The following SORL1 variants were observed in gnomAD, a reference collection of about 807,000 sequenced individuals.
SORL1 encodes sortilin related receptor 1, also known as sortilin-related receptor.
Under a neutral mutation model 273.7 loss-of-function variants are expected in SORL1, and 127 were observed. That is an observed-to-expected ratio of 0.46 (90% CI 0.40 to 0.54). The LOEUF is 0.54. Among genes scored for constraint, SORL1 ranks in the 20% least tolerant of loss-of-function variants. SORL1 has a pLI of 0.00. For missense variants in SORL1, 2,494 were observed against 2,846.1 expected (o/e 0.88, Z 2.81); for synonymous variants, 1,031 against 1,067.4 (o/e 0.97, Z 0.66).
chr11:121,618,876 G>T lies in SORL1; in HGVS notation c.5707G>T (p.Glu1903Ter). Residue 1903 changes from glutamate to a stop codon, truncating the protein, a stop_gained, in exon 42 of 48, where the codon GAG (glutamate) becomes TAG (stop). Transcript: ENST00000260197. LOFTEE classifies it high-confidence loss of function. ...CAAGACGGTCATTGTCAGTAAGGATGAGCAGTATTTGTTTCTGGTAAGTTT... is the reference window on the plus strand; with the variant it reads ...CAAGACGGTCATTGTCAGTAAGGATTAGCAGTATTTGTTTCTGGTAAGTTT... ...HNKTVIVSKD[E>*]QYLFLVRVVV... is the part of the protein sequence containing the mutation. The T allele has an allele frequency of 6.2e-7, 1 of 1,614,150 alleles. No homozygotes were observed. Among genetic ancestry groups the T allele is most frequent in the South Asian group, 1.1e-5 (1 of 91,074 alleles).
At chr11:121,604,943 G>A (rs917114318) in intron 33 of SORL1, among the ~76,000 whole-genome samples, 170 bp from the exon 34 acceptor site, 1 of 146,522 alleles carries the variant, frequency 6.8e-6, no homozygotes, top group Admixed American at 6.7e-5. Context: ...TTTTTTTTTT[G>A]TATTTTTAGT....
chr11:121,558,576 C>T lies in SORL1; in HGVS notation c.2664-15C>T, dbSNP rs1862626654. On this transcript the variant is annotated splice_polypyrimidine_tract_variant and intron_variant, in intron 19 of 47. Coordinates refer to ENST00000260197, the MANE Select transcript of SORL1 (RefSeq NM_003105.6). ...AGTATTGATGAGGTATGTGTTCTGTCCCCATTTTCGCTAGGGTGATGTTCT... is the reference window on the plus strand; with the variant it reads ...AGTATTGATGAGGTATGTGTTCTGTTCCCATTTTCGCTAGGGTGATGTTCT... 1 of 1,613,966 alleles carries T rather than the reference C, an allele frequency of 6.2e-7. No individual in the cohort carries two copies.
intron 19 of SORL1, 58 bp downstream of exon 19, chr11:121,557,463 T>G: frequency 8.0e-7 from 1 of 1,248,642 alleles, no homozygotes; most frequent in Non-Finnish European, 1.2e-6. Flanking sequence ...TAATAGATTC[T>G]CATGGAAACA....
At chr11:121,491,171 G>T (rs1861547534) in intron 5 of SORL1, among the ~76,000 whole-genome samples, 1 of 152,162 alleles carries the variant, frequency 6.6e-6, no homozygotes, top group Non-Finnish European at 1.5e-5. Flanking sequence ...AGTGTATTGG[G>T]TGAAGTTTTG....
In SORL1 at chr11:121,631,240, A is replaced by T. The variant is rs1863870466; in HGVS notation, c.*1677A>T. 6.6e-6 allele frequency: 1 copy of T among 152,246 alleles called. No individual in the cohort carries two copies. The highest frequency in any genetic ancestry group is 1.5e-5 in the Non-Finnish European group (1 of 68,038). 9.4% of individuals were successfully genotyped at this position (152,246 alleles called of 1,614,324 possible). Reference sequence around the variant, plus strand: ...GAAATTTTTATTTATATGTATACTTAGATGAGTATTTTAAGCTGTCGACCT... The same window carrying T: ...GAAATTTTTATTTATATGTATACTTTGATGAGTATTTTAAGCTGTCGACCT... On this transcript the variant is annotated 3_prime_UTR_variant, in exon 48 of 48. Transcript: ENST00000260197.
chr11:121,504,331 G>A (rs1208808402), intron 6 of SORL1, among the ~76,000 whole-genome samples: 2 of 152,138 alleles, frequency 1.3e-5, no homozygotes, highest in Non-Finnish European at 2.9e-5. Flanking sequence ...AGAATCTCTT[G>A]AACCTGGGAG....
intron 1 of SORL1, among the ~76,000 whole-genome samples, chr11:121,466,840 G>A (rs934128828): frequency 2.8e-4 from 42 of 151,986 alleles, no homozygotes; most frequent in African/African-American, 1.0e-3. Flanking sequence ...AGTGCCTGGT[G>A]GCCCTCGTAC....
intron 13 of SORL1, among the ~76,000 whole-genome samples, chr11:121,544,488 G>A (rs1222047622): frequency 6.6e-6 from 1 of 152,154 alleles, no homozygotes. Flanking sequence ...ATAAGAACTT[G>A]CCCTGTGCAT....
At chr11:121,549,217 T>C (rs1365123853) in intron 14 of SORL1, among the ~76,000 whole-genome samples, 1 of 151,992 alleles carries the variant, frequency 6.6e-6, no homozygotes, top group African/African-American at 2.4e-5. Flanking sequence ...ATTGAACCCC[T>C]AGTCAAATTT....
At chr11:121,495,882 A>G (rs1861621943) in intron 5 of SORL1, among the ~76,000 whole-genome samples, 1 of 152,230 alleles carries the variant, frequency 6.6e-6, no homozygotes, top group South Asian at 2.1e-4. Context: ...AATGAAATCT[A>G]AGACATGGCC....
intron 13 of SORL1, among the ~76,000 whole-genome samples, chr11:121,544,059 T>C (rs1249876891): frequency 2.6e-5 from 4 of 152,164 alleles, no homozygotes; most frequent in Non-Finnish European, 5.9e-5. Context: ...ATTCAGTGAG[T>C]GTGCCTGACT....
At chr11:121,608,639 T>C in intron 38 of SORL1, 1 of 167,368 alleles carries the variant, frequency 6.0e-6, no homozygotes, top group South Asian at 1.5e-4. Context: ...TAGTAATAAC[T>C]GATGGCTTGC....
chr11:121,566,799 CA>C (rs1157899238), intron 21 of SORL1, 140 bp from the exon 22 acceptor site: 1 of 759,040 alleles, frequency 1.3e-6, no homozygotes, highest in Non-Finnish European at 2.1e-6. Flanking sequence ...GTAGGCGCCC[CA>C]AAGCTTGCCA....
At chr11:121,495,942 G>A (rs1861622771) in intron 5 of SORL1, among the ~76,000 whole-genome samples, 1 of 152,180 alleles carries the variant, frequency 6.6e-6, no homozygotes. Flanking sequence ...ATACATAATG[G>A]TGAACAATAA....
chr11:121,509,533 G>A (rs1443433213), intron 6 of SORL1, among the ~76,000 whole-genome samples: 2 of 152,138 alleles, frequency 1.3e-5, no homozygotes, highest in Non-Finnish European at 2.9e-5. Flanking sequence ...CTGGAGTGCA[G>A]CGGCATGATC....
intron 8 of SORL1, among the ~76,000 whole-genome samples, chr11:121,518,798 T>G (rs1861990480): frequency 6.6e-6 from 1 of 152,110 alleles, no homozygotes; most frequent in Admixed American, 6.5e-5. Flanking sequence ...GGTTGTTGTT[T>G]GGGTCTTTCT....
chr11:121,594,688 T>C (rs777374589), intron 31 of SORL1, among the ~76,000 whole-genome samples: 1 of 152,250 alleles, frequency 6.6e-6, no homozygotes, highest in African/African-American at 2.4e-5. Flanking sequence ...AATGGCCTTT[T>C]TGGGGGTTAG....
At chr11:121,593,717 G>T (rs1005018660) in intron 31 of SORL1, among the ~76,000 whole-genome samples, 1 of 152,110 alleles carries the variant, frequency 6.6e-6, no homozygotes, top group African/African-American at 2.4e-5. Context: ...TCAGGTGTTT[G>T]TCTCTTGAAT....
intron 11 of SORL1, among the ~76,000 whole-genome samples, chr11:121,525,303 T>C (rs1212159729): frequency 2.0e-5 from 3 of 152,274 alleles, no homozygotes; most frequent in African/African-American, 7.2e-5. Flanking sequence ...TATCAATTGT[T>C]CATTCCTTTG....
Sources: gnomAD v4.1 joint callset for allele counts (sites outside exome capture counted in the v4.1 genomes callset) on GRCh38, gnomAD v4.1.1 for gene constraint, MANE v1.5 for transcripts, NCBI Gene and HGNC (gene_info 2026-07-23, HGNC 2026-07-21) for gene names.